PPP1R12A: variants seen among roughly 807,000 people sequenced by gnomAD.
The protein encoded by PPP1R12A is myosin binding subunit.
Under a neutral mutation model 139.6 loss-of-function variants are expected in PPP1R12A, and 19 were observed. That is an observed-to-expected ratio of 0.14 (90% CI 0.09 to 0.20). PPP1R12A has a LOEUF of 0.20. PPP1R12A is among the 10% of genes least tolerant of loss of function. The pLI is 1.00. For missense variants in PPP1R12A, 925 were observed against 1,211.5 expected, an observed-to-expected ratio of 0.76 and a Z score of 3.51; for synonymous variants, 427 against 420.6, an observed-to-expected ratio of 1.02 and a Z score of -0.19.
At chr12:79,832,568 T>C (rs1237457305) in intron 3 of PPP1R12A, 77 bp from the exon 4 acceptor site, 2 of 1,360,064 alleles carry the variant, frequency 1.5e-6, no homozygotes, top group African/African-American at 1.5e-5. Context: ...ATCCAAAACA[T>C]GTCAAGTTTA....
Position 79,788,792 on chromosome 12 carries a change from G to A in PPP1R12A, c.2667-9C>T. The A allele has an allele frequency of 6.4e-7, 1 of 1,573,008 alleles. No homozygotes were observed. Among genetic ancestry groups the A allele is most frequent in the Non-Finnish European group, 8.6e-7 (1 of 1,160,038 alleles). On this transcript the variant is annotated splice_polypyrimidine_tract_variant and intron_variant, in intron 20 of 24. Coordinates refer to ENST00000450142, the MANE Select transcript of PPP1R12A (RefSeq NM_002480.3). ...TAGAACTGGTTTCATATCTTCAAAA[G>A]ATTAATTTAAATAAAAAACCTTGTT... is the stretch of plus-strand genomic sequence containing the variant.
intron 4 of PPP1R12A, among the ~76,000 whole-genome samples, chr12:79,828,819 C>T (rs1407822190): frequency 6.6e-6 from 1 of 152,052 alleles, no homozygotes; most frequent in Non-Finnish European, 1.5e-5. Context: ...TGATGAATCA[C>T]TTTGTATGTA....
intron 24 of PPP1R12A, 111 bp from the exon 25 acceptor site, chr12:79,776,126 A>AGTT (rs899111981): frequency 2.4e-5 from 15 of 628,096 alleles, no homozygotes; most frequent in Middle Eastern, 4.7e-4. Flanking sequence ...AAGCTTTGTC[A>AGTT]GTTATATATA....
intron 1 of PPP1R12A, among the ~76,000 whole-genome samples, chr12:79,915,219 G>A (rs966997943): frequency 6.6e-6 from 1 of 152,070 alleles, no homozygotes; most frequent in Non-Finnish European, 1.5e-5. Flanking sequence ...TTACTATACT[G>A]TGAAGTACGT....
At chr12:79,890,443 T>C (rs1350640268) in intron 1 of PPP1R12A, among the ~76,000 whole-genome samples, 4 of 152,132 alleles carry the variant, frequency 2.6e-5, no homozygotes, top group Non-Finnish European at 4.4e-5. Flanking sequence ...CACTGAAATG[T>C]TTTCAGGCCT....
chr12:79,826,471 T>A (rs1357796451), intron 5 of PPP1R12A, among the ~76,000 whole-genome samples: 1 of 151,612 alleles, frequency 6.6e-6, no homozygotes, highest in Non-Finnish European at 1.5e-5. Context: ...CCCATGTAGC[T>A]GGGATTACAG....
At chr12:79,913,509 C>T (rs1886757660) in intron 1 of PPP1R12A, among the ~76,000 whole-genome samples, 1 of 152,078 alleles carries the variant, frequency 6.6e-6, no homozygotes, top group South Asian at 2.1e-4. Flanking sequence ...GATCTTTTTC[C>T]ACACTCTATT....
At chr12:79,924,963 G>A (rs980959088) in intron 1 of PPP1R12A, among the ~76,000 whole-genome samples, 10 of 151,832 alleles carry the variant, frequency 6.6e-5, no homozygotes, top group South Asian at 2.1e-4. Flanking sequence ...ATGTAATCAC[G>A]GATATTTATT....
chr12:79,867,439 C>T (rs1484280801), intron 2 of PPP1R12A, among the ~76,000 whole-genome samples: 1 of 151,652 alleles, frequency 6.6e-6, no homozygotes, highest in African/African-American at 2.4e-5. Context: ...GTACGTTCTG[C>T]ACATGTAACC....
At chr12:79,917,258 G>A (rs1024743055) in intron 1 of PPP1R12A, among the ~76,000 whole-genome samples, 3 of 151,864 alleles carry the variant, frequency 2.0e-5, no homozygotes, top group African/African-American at 4.8e-5. Context: ...AGGCCGAGGC[G>A]GGTGGATCAC....
chr12:79,843,526 C>T (rs1048527519), intron 3 of PPP1R12A, among the ~76,000 whole-genome samples: 1 of 151,772 alleles, frequency 6.6e-6, no homozygotes, highest in Non-Finnish European at 1.5e-5. Flanking sequence ...TTGCAGTGAA[C>T]CCAGACTGCA....
intron 2 of PPP1R12A, among the ~76,000 whole-genome samples, chr12:79,860,793 C>T (rs1881225166): frequency 6.6e-6 from 1 of 151,818 alleles, no homozygotes; most frequent in Non-Finnish European, 1.5e-5. Context: ...ATACTAAGGA[C>T]AAAAAGAAAT....
chr12:79,785,323 A>G (rs1240595620), intron 22 of PPP1R12A, among the ~76,000 whole-genome samples: 1 of 152,240 alleles, frequency 6.6e-6, no homozygotes, highest in Non-Finnish European at 1.5e-5. Context: ...GAAGTTTGGC[A>G]TAGTAGCTAC....
intron 1 of PPP1R12A, chr12:79,878,405 G>A (rs964205333): frequency 4.6e-5 from 7 of 152,032 alleles, no homozygotes; most frequent in African/African-American, 1.7e-4. Flanking sequence ...GTGTTTTCAA[G>A]GTGGTATAGC....
intron 2 of PPP1R12A, among the ~76,000 whole-genome samples, chr12:79,846,696 TG>T (rs1167863945): frequency 6.6e-6 from 1 of 151,656 alleles, no homozygotes; most frequent in East Asian, 1.9e-4. Context: ...CCCAAAGTGC[TG>T]GGATTACAGG....
intron 5 of PPP1R12A, chr12:79,825,446 G>T (rs955095421): frequency 3.3e-5 from 5 of 151,786 alleles, no homozygotes; most frequent in Admixed American, 2.0e-4. Flanking sequence ...TGTATTTAAG[G>T]TCTGTATCAC....
At chr12:79,845,185 T>A in intron 3 of PPP1R12A, 117 bp downstream of exon 3, 1 of 739,430 alleles carries the variant, frequency 1.4e-6, no homozygotes, top group Non-Finnish European at 2.3e-6. Context: ...TTTTGCAAGC[T>A]GAATTCATTT....
intron 1 of PPP1R12A, among the ~76,000 whole-genome samples, chr12:79,902,798 G>A (rs146507893): frequency 0.014 from 2,153 of 152,018 alleles, 25 homozygotes; most frequent in South Asian, 0.022. Context: ...AAAAATTTTT[G>A]AGCACCAACA....
intron 14 of PPP1R12A, among the ~76,000 whole-genome samples, chr12:79,802,775 T>G (rs1565747432): frequency 6.6e-6 from 1 of 152,002 alleles, no homozygotes; most frequent in East Asian, 1.9e-4. Flanking sequence ...GATCCTGTCT[T>G]GGAAAAAAAA....
Sources: gnomAD v4.1 joint callset for allele counts (sites outside exome capture counted in the v4.1 genomes callset) on GRCh38, gnomAD v4.1.1 for gene constraint, MANE v1.5 for transcripts, NCBI Gene and HGNC (gene_info 2026-07-23, HGNC 2026-07-21) for gene names.